The following CYRIB variants were observed in gnomAD, a reference collection of about 807,000 sequenced individuals.
The protein encoded by CYRIB is CYFIP related Rac1 interactor B.
A neutral mutation model predicts 44.2 loss-of-function variants in CYRIB; 8 were observed. The ratio of observed to expected loss-of-function variants is 0.18; its 90% CI spans 0.11 to 0.33. CYRIB has a LOEUF of 0.33. Among genes scored for constraint, CYRIB ranks in the 10% least tolerant of loss-of-function variants. The pLI is 1.00. For missense variants in CYRIB, 185 were observed against 382.8 expected, an observed-to-expected ratio of 0.48 and a Z score of 4.31; for synonymous variants, 131 against 127.2, an observed-to-expected ratio of 1.03 and a Z score of -0.20.
intron 1 of CYRIB, among the ~76,000 whole-genome samples, chr8:130,000,994 T>C (rs959752143): frequency 1.3e-5 from 2 of 152,222 alleles, no homozygotes; most frequent in African/African-American, 4.8e-5. Flanking sequence ...TACCAGGTAC[T>C]TTCTATATTT....
chr8:129,849,324 G>A, exon 10 of CYRIB: 1 of 1,613,520 alleles, frequency 6.2e-7, no homozygotes, highest in Non-Finnish European at 8.5e-7. Flanking sequence ...TTACCCTCAA[G>A]CAGAATGACA....
chr8:129,846,740 C>A (rs998836820), intron 11 of CYRIB, 64 bp downstream of exon 13: 1 of 1,098,978 alleles, frequency 9.1e-7, no homozygotes, highest in Non-Finnish European at 1.3e-6. Context: ...ATTTTCTTTA[C>A]ATAAACATCG....
At chr8:129,849,591 G>A (rs1022136379) in intron 9 of CYRIB, 13 of 385,666 alleles carry the variant, frequency 3.4e-5, no homozygotes, top group Non-Finnish European at 5.1e-5. Context: ...CTTTAATGAG[G>A]TGATTCAACT....
chr8:129,906,060 C>G (rs2075212968), intron 1 of CYRIB, among the ~76,000 whole-genome samples: 1 of 152,092 alleles, frequency 6.6e-6, no homozygotes. Flanking sequence ...CCATCCCCAT[C>G]AAGCTACCAA....
At chr8:130,008,860 C>T (rs150637696) in intron 1 of CYRIB, among the ~76,000 whole-genome samples, 48 of 152,334 alleles carry the variant, frequency 3.2e-4, no homozygotes, top group African/African-American at 1.1e-3. Flanking sequence ...TTCACTTCCA[C>T]GTCGTCTTCT....
chr8:129,923,562 A>G (rs1334657788), intron 1 of CYRIB, among the ~76,000 whole-genome samples: 3 of 152,124 alleles, frequency 2.0e-5, no homozygotes, highest in Non-Finnish European at 4.4e-5. Context: ...GGTGTGAGTC[A>G]CTGCACCCGG....
intron 1 of CYRIB, among the ~76,000 whole-genome samples, chr8:129,972,754 A>C (rs533173090): frequency 1.3e-5 from 2 of 151,690 alleles, no homozygotes; most frequent in Non-Finnish European, 2.9e-5. Flanking sequence ...CCCCACGCAC[A>C]TGCACACCAC....
At position 129,993,516 on chromosome 8, in the gene CYRIB, G is replaced by A. The variant is rs189263864; in HGVS notation, c.-295-22521C>T. ...GTTCAAGACCGGACTGGACAACACA[G>A]GGAAACCCAGTCTCTACTAAAAATA... On this transcript the variant is annotated intron_variant, in intron 1 of 14. Transcript: ENST00000401979. 2.6e-3 allele frequency among the ~76,000 whole-genome samples: 401 copies of A among 152,078 alleles called. 9 individuals are homozygous for A. The highest frequency in any genetic ancestry group is 0.019 in the Admixed American group (290 of 15,272).
chr8:129,936,999 G>C (rs943642586), intron 1 of CYRIB, among the ~76,000 whole-genome samples: 1 of 152,104 alleles, frequency 6.6e-6, no homozygotes, highest in Non-Finnish European at 1.5e-5. Flanking sequence ...GAGCCACTGC[G>C]CCCAGCCAGC....
intron 1 of CYRIB, among the ~76,000 whole-genome samples, chr8:129,924,864 G>T (rs1589960904): frequency 6.6e-6 from 1 of 152,182 alleles, no homozygotes; most frequent in Admixed American, 6.5e-5. Flanking sequence ...TATAGTCCCA[G>T]TTACTTAGGA....
intron 2 of CYRIB, among the ~76,000 whole-genome samples, chr8:129,894,066 T>TC (rs1275669794): frequency 6.6e-6 from 1 of 152,226 alleles, no homozygotes; most frequent in Non-Finnish European, 1.5e-5. Context: ...ACCAGTTTAT[T>TC]CATTCCTCTA....
At chr8:129,874,400 CGTT>C (rs1355470494) in intron 3 of CYRIB, among the ~76,000 whole-genome samples, 1 of 151,484 alleles carries the variant, frequency 6.6e-6, no homozygotes, top group Admixed American at 6.6e-5. Context: ...AAATTGAAGT[CGTT>C]GTAATATAAA....
Position 129,862,369 on chromosome 8 carries a change from A to T in CYRIB, c.196-35T>A, listed in dbSNP as rs530196459. 3.9e-4 allele frequency: 106 copies of T among 273,442 alleles called. 1 individual carries two copies. Among genetic ancestry groups the T allele is most frequent in the African/African-American group, 2.4e-3 (93 of 38,888 alleles). 16.9% of individuals were successfully genotyped at this position (273,442 alleles called of 1,614,324 possible). On this transcript the variant is annotated intron_variant, in intron 4 of 11. Transcript: ENST00000519824. The stretch of plus-strand genomic sequence containing the variant: ...CCAAAGAATAAAAATAGTTAGAGTT[A>T]AAAAAAAAAAAAGGTTCATTTTTAC...
At chr8:129,975,711 G>C (rs2095887384) in intron 1 of CYRIB, among the ~76,000 whole-genome samples, 1 of 152,174 alleles carries the variant, frequency 6.6e-6, no homozygotes, top group Non-Finnish European at 1.5e-5. Flanking sequence ...AAGGAAAACA[G>C]GTGTTTTGCT....
At chr8:129,880,495 A>T (rs1360534997) in intron 2 of CYRIB, 1 of 958,828 alleles carries the variant, frequency 1.0e-6, no homozygotes, top group African/African-American at 1.8e-5. Flanking sequence ...TAGTTCCAGT[A>T]AAAAATTTTA....
chr8:129,842,785 T>C (rs930581477), intron 11 of CYRIB, among the ~76,000 whole-genome samples: 1 of 152,222 alleles, frequency 6.6e-6, no homozygotes, highest in Non-Finnish European at 1.5e-5. Context: ...TGAGGAGCTG[T>C]AACAGAAACC....
At chr8:129,881,145 G>T (rs967045535) in intron 2 of CYRIB, among the ~76,000 whole-genome samples, 1 of 152,176 alleles carries the variant, frequency 6.6e-6, no homozygotes, top group Non-Finnish European at 1.5e-5. Flanking sequence ...GACAAAAAGT[G>T]AAAATACGGC....
chr8:130,006,636 A>ATG (rs1169039282), intron 1 of CYRIB, among the ~76,000 whole-genome samples: 1 of 124,986 alleles, frequency 8.0e-6, no homozygotes, highest in African/African-American at 3.1e-5. Flanking sequence ...ATACATATAT[A>ATG]TGTGTATATA....
intron 1 of CYRIB, among the ~76,000 whole-genome samples, chr8:130,003,495 GGAGT>G (rs1564770694): frequency 6.6e-6 from 1 of 152,188 alleles, no homozygotes; most frequent in African/African-American, 2.4e-5. Flanking sequence ...GGTTTTCTCT[GGAGT>G]GAGTTCTTAT....
Sources: gnomAD v4.1 joint callset for allele counts (sites outside exome capture counted in the v4.1 genomes callset) on GRCh38, gnomAD v4.1.1 for gene constraint, MANE v1.5 for transcripts, NCBI Gene and HGNC (gene_info 2026-07-23, HGNC 2026-07-21) for gene names.